DLGAP2: variants seen among roughly 807,000 people sequenced by gnomAD.
The protein encoded by DLGAP2 is DLG associated protein 2.
In DLGAP2, 26 loss-of-function variants were observed where a neutral mutation model predicts 100.3. The observed-to-expected ratio is 0.26, with a 90% CI of 0.19 to 0.36. The LOEUF is 0.36. Ranked by LOEUF, DLGAP2 falls within the 10% of genes least tolerant of loss-of-function variation. DLGAP2 has a pLI of 1.00. For synonymous variants in DLGAP2, 886 were observed against 630.1 expected, an observed-to-expected ratio of 1.41 and a Z score of -6.08; for missense variants, 1,858 against 1,453.2, an observed-to-expected ratio of 1.28 and a Z score of -4.53.
chr8:1,631,073 C>T (rs1296919298), intron 7 of DLGAP2, among the ~76,000 whole-genome samples: 1 of 151,752 alleles, frequency 6.6e-6, no homozygotes, highest in Non-Finnish European at 1.5e-5. Flanking sequence ...GGCGGGAGGT[C>T]CGGGTGAACA....
intron 3 of DLGAP2, among the ~76,000 whole-genome samples, chr8:1,319,247 G>C (rs531495998): frequency 1.3e-5 from 2 of 152,270 alleles, no homozygotes; most frequent in African/African-American, 4.8e-5. Context: ...TCTCAGCTAA[G>C]CTCTCTGGAA....
intron 2 of DLGAP2, among the ~76,000 whole-genome samples, chr8:1,134,698 G>A (rs1796367656): frequency 6.6e-6 from 1 of 152,196 alleles, no homozygotes; most frequent in South Asian, 2.1e-4. Flanking sequence ...CTGACTCACA[G>A]TTCAGCAGGG....
chr8:1,354,525 A>C (rs1801804751), intron 3 of DLGAP2, among the ~76,000 whole-genome samples: 1 of 152,244 alleles, frequency 6.6e-6, no homozygotes, highest in Non-Finnish European at 1.5e-5. Flanking sequence ...AAAAAAAGAA[A>C]GAACGAAAAG....
chr8:1,070,359 C>T lies in DLGAP2; in HGVS notation c.73+162393C>T, dbSNP rs572257520. Among the ~76,000 whole-genome samples, 10 of 152,276 alleles carry T rather than the reference C, an allele frequency of 6.6e-5. No homozygotes were observed. In the South Asian group the frequency reaches 2.1e-3, roughly 32 times the overall value. Reference sequence around the variant, plus strand: ...CCTGGTGAGCAGCGGCTGACATGGGCTCGTCCTGCCATGGCCCAATAAATC... The same window carrying T: ...CCTGGTGAGCAGCGGCTGACATGGGTTCGTCCTGCCATGGCCCAATAAATC... On this transcript the variant is annotated intron_variant, in intron 2 of 14. Transcript: ENST00000637795.
At chr8:1,262,785 T>C (rs1447676905) in intron 3 of DLGAP2, among the ~76,000 whole-genome samples, 1 of 152,078 alleles carries the variant, frequency 6.6e-6, no homozygotes, top group Non-Finnish European at 1.5e-5. Context: ...AATTTAAGAG[T>C]ACCTGATTCT....
In DLGAP2 at chr8:772,507, G is replaced by C. The variant is rs1376892869; in HGVS notation, c.18+34682G>C. 3.3e-5 allele frequency among the ~76,000 whole-genome samples: 5 copies of C among 151,940 alleles called. No individual in the cohort carries two copies. The East Asian group carries it at 9.7e-4, about 30-fold the overall frequency. Reference sequence around the variant, plus strand: ...CTGGCTAATTTTTGTATTTTTAGTAGAGACGGGGTTTCACCATGTTGGCCA... The same window carrying C: ...CTGGCTAATTTTTGTATTTTTAGTACAGACGGGGTTTCACCATGTTGGCCA... On this transcript the variant is annotated intron_variant, in intron 1 of 14. Transcript: ENST00000637795.
At chr8:1,528,752 A>C (rs1468182919) in intron 4 of DLGAP2, among the ~76,000 whole-genome samples, 1 of 152,180 alleles carries the variant, frequency 6.6e-6, no homozygotes, top group Non-Finnish European at 1.5e-5. Flanking sequence ...TCCTGTTTGG[A>C]AACAGGAGGA....
chr8:1,602,029 G>T (rs1198181990), intron 6 of DLGAP2, among the ~76,000 whole-genome samples: 1 of 150,764 alleles, frequency 6.6e-6, no homozygotes, highest in Non-Finnish European at 1.5e-5. Context: ...TCCCTCACGA[G>T]CTGTCAGTCC....
rs764839301 is a variant in DLGAP2 at position 1,565,842 on chromosome 8, C to T, written c.1390C>T (p.Pro464Ser). The T allele has an allele frequency of 1.4e-5, 22 of 1,613,196 alleles. No homozygotes were observed. The highest frequency in any genetic ancestry group is 1.8e-5 in the Non-Finnish European group (21 of 1,179,608). The part of the protein sequence containing the change: ...PKTSPKSAIL[P>S]EPLLKSIGQR... Reference sequence around the variant, plus strand: ...GACATCACCAAAGTCGGCAATCCTACCAGAGCCGCTGCTGAAGTCCATCGG... The same window carrying T: ...GACATCACCAAAGTCGGCAATCCTATCAGAGCCGCTGCTGAAGTCCATCGG... The change falls in exon 6 of 15, where the codon CCA becomes TCA. Residue 464 changes from proline to serine, a missense_variant. Transcript: ENST00000637795.
intron 1 of DLGAP2, among the ~76,000 whole-genome samples, chr8:761,780 C>G (rs938479575): frequency 6.6e-6 from 1 of 152,196 alleles, no homozygotes; most frequent in African/African-American, 2.4e-5. Flanking sequence ...AGCCTGAGGT[C>G]GCGCTGTCCT....
At chr8:1,591,938 G>A (rs572797418) in intron 6 of DLGAP2, among the ~76,000 whole-genome samples, 3 of 152,332 alleles carry the variant, frequency 2.0e-5, no homozygotes, top group African/African-American at 4.8e-5. Flanking sequence ...GAGGAGGAGC[G>A]GAGGGAGGAG....
intron 1 of DLGAP2, among the ~76,000 whole-genome samples, chr8:805,032 A>G (rs984066303): frequency 2.0e-5 from 3 of 151,944 alleles, no homozygotes; most frequent in African/African-American, 7.3e-5. Flanking sequence ...TGCCCTCCCA[A>G]ATTGTTGGGA....
At chr8:1,295,718 C>G (rs1232103305) in intron 3 of DLGAP2, among the ~76,000 whole-genome samples, 1 of 152,238 alleles carries the variant, frequency 6.6e-6, no homozygotes, top group African/African-American at 2.4e-5. Flanking sequence ...GCCCCAGTCT[C>G]TCTGTGGGCC....
At chr8:967,779 GTA>G (rs369439322) in intron 2 of DLGAP2, among the ~76,000 whole-genome samples, 565 of 17,836 alleles carry the variant, frequency 0.032, 45 homozygotes, top group African/African-American at 0.076. Context: ...ATATATATAT[GTA>G]TATATATATA....
At position 1,698,659 on chromosome 8, in the gene DLGAP2, G is replaced by C. The variant is rs36174389; in HGVS notation, c.2949+1360G>C. On this transcript the variant is annotated intron_variant, in intron 14 of 14. Transcript: ENST00000637795. Reference sequence around the variant, plus strand: ...CTAGACAGGTCCAAGTAAGCCATGCGTGGGACAGGTCAGTGTAAGCCATGC... The same window carrying C: ...CTAGACAGGTCCAAGTAAGCCATGCCTGGGACAGGTCAGTGTAAGCCATGC... Among the ~76,000 whole-genome samples, 285 of 139,380 alleles carry C rather than the reference G, an allele frequency of 2.0e-3. 3 individuals carry two copies. Among genetic ancestry groups the C allele is most frequent in the African/African-American group, 7.3e-3 (269 of 36,960 alleles). 91.4% of individuals were successfully genotyped at this position (139,380 alleles called of 152,430 possible).
chr8:1,511,099 T>G (rs1800144938), intron 4 of DLGAP2, among the ~76,000 whole-genome samples: 1 of 152,256 alleles, frequency 6.6e-6, no homozygotes, highest in Non-Finnish European at 1.5e-5. Flanking sequence ...TTCACCACAC[T>G]GTGGAACCGA....
intron 3 of DLGAP2, among the ~76,000 whole-genome samples, chr8:1,481,099 G>A (rs531475744): frequency 3.9e-5 from 6 of 152,188 alleles, no homozygotes; most frequent in Admixed American, 2.6e-4. Flanking sequence ...GTGAACCTGG[G>A]AGGCGGAGCT....
At chr8:1,470,227 C>A (rs576027543) in intron 3 of DLGAP2, among the ~76,000 whole-genome samples, 2 of 152,044 alleles carry the variant, frequency 1.3e-5, no homozygotes, top group African/African-American at 4.8e-5. Flanking sequence ...TGCTTCACTC[C>A]GCTGTCTCGC....
At chr8:1,060,425 G>GTGGATAGATA (rs1803044962) in intron 2 of DLGAP2, among the ~76,000 whole-genome samples, 3 of 151,672 alleles carry the variant, frequency 2.0e-5, no homozygotes, top group African/African-American at 7.3e-5. Flanking sequence ...CTGTGTCCTT[G>GTGGATAGATA]CTGTGTCCTT....
Sources: allele counts gnomAD v4.1 joint callset (sites outside exome capture counted in the v4.1 genomes callset), GRCh38; gene constraint gnomAD v4.1.1; transcripts MANE v1.5; gene names NCBI Gene and HGNC (gene_info 2026-07-23, HGNC 2026-07-21).